DENND5A: variants seen among roughly 807,000 people sequenced by gnomAD.
DENND5A encodes DENN domain containing 5A, also known as DENN domain-containing protein 5A.
Under a neutral mutation model 140.3 loss-of-function variants are expected in DENND5A, and 64 were observed. The ratio of observed to expected loss-of-function variants is 0.46; its 90% CI spans 0.37 to 0.56. DENND5A has a LOEUF of 0.56. Among genes scored for constraint, DENND5A ranks in the 20% least tolerant of loss-of-function variants. The probability of loss-of-function intolerance (pLI) is 0.00; values close to 1 mark genes in which losing one functional copy is unlikely to be tolerated. For synonymous variants in DENND5A, 605 were observed against 607.7 expected (o/e 1.00, Z 0.07); for missense variants, 1,292 against 1,593.8 (o/e 0.81, Z 3.22).
intron 5 of DENND5A, among the ~76,000 whole-genome samples, chr11:9,183,030 C>A (rs1419239399): frequency 1.3e-5 from 2 of 152,210 alleles, no homozygotes; most frequent in Non-Finnish European, 2.9e-5. Context: ...ATACCATACC[C>A]TGTAAATATG....
intron 10 of DENND5A, 77 bp downstream of exon 10, chr11:9,169,779 G>A: frequency 1.0e-6 from 1 of 960,026 alleles, no homozygotes; most frequent in South Asian, 1.4e-5. Flanking sequence ...AATCAGACCA[G>A]AGAACAGGAA....
chr11:9,188,822 A>G (rs1236445095), intron 5 of DENND5A, among the ~76,000 whole-genome samples: 6 of 152,216 alleles, frequency 3.9e-5, no homozygotes, highest in Non-Finnish European at 8.8e-5. Flanking sequence ...TTTAAAAGGG[A>G]AACAGAGCAT....
At chr11:9,218,096 T>C (rs1158139285) in intron 1 of DENND5A, among the ~76,000 whole-genome samples, 1 of 151,852 alleles carries the variant, frequency 6.6e-6, no homozygotes. Context: ...CTGTACAAAA[T>C]AATAATTAAA....
In DENND5A at chr11:9,265,048, C is replaced by A; in HGVS notation, c.22G>T (p.Gly8Trp). Residue 8 changes from glycine (G) to tryptophan (W), a missense_variant, in exon 1 of 23, where the codon GGG becomes TGG. Physicochemically the swap from Gly to Trp is radical, Grantham distance 184. This residue lies in a region of DENND5A where 566 missense variants were observed against 650.4 expected (regional missense o/e 0.87). Transcript: ENST00000328194. The surrounding 1 kb of genome is among the most constrained non-coding windows in gnomAD (Gnocchi z 4.7). MSGGGGGGGSAPSRFADY... is the reference protein window; with the variant it reads MSGGGGGWGSAPSRFADY... ...GCGAAGCGACTGGGCGCCGAGCCCC[C>A]TCCGCCGCCGCCGCCACTCATGGCG... 6.4e-7 allele frequency: 1 copy of A among 1,553,270 alleles called. No individual in the cohort carries two copies. The highest frequency in any genetic ancestry group is 1.9e-5 in the Admixed American group (1 of 53,654).
chr11:9,228,674 G>A (rs1179658397), intron 1 of DENND5A, among the ~76,000 whole-genome samples: 4 of 150,234 alleles, frequency 2.7e-5, no homozygotes, highest in African/African-American at 9.8e-5. Flanking sequence ...AGCCGAGATC[G>A]CACCACTGCA....
At chr11:9,149,827 T>C (rs1847553089) in intron 15 of DENND5A, among the ~76,000 whole-genome samples, 1 of 152,198 alleles carries the variant, frequency 6.6e-6, no homozygotes, top group Non-Finnish European at 1.5e-5. Context: ...GAAGACCTCA[T>C]CCTTCCCACT....
intron 4 of DENND5A, among the ~76,000 whole-genome samples, chr11:9,201,569 C>T (rs567792862): frequency 1.5e-4 from 23 of 152,132 alleles, no homozygotes; most frequent in Admixed American, 5.2e-4. Flanking sequence ...ACACGGGAAG[C>T]TGAGGTGGGA....
At chr11:9,143,651 C>T (rs971882159) in intron 19 of DENND5A, among the ~76,000 whole-genome samples, 166 bp from the exon 20 acceptor site, 1 of 152,226 alleles carries the variant, frequency 6.6e-6, no homozygotes, top group African/African-American at 2.4e-5. Flanking sequence ...TTTAGCTCTT[C>T]CGCAAATCTT....
rs184293284 is a variant in DENND5A, at chr11:9,177,076, G to C, written c.1906+1056C>G. ...TCGAGGCCAGCCTGGGCAACATGGC[G>C]AGACTCTGTCTCTAAAAAATATAAA... is the stretch of plus-strand genomic sequence containing the variant. On this transcript the variant is annotated intron_variant, in intron 8 of 22. Transcript: ENST00000328194. Among the ~76,000 whole-genome samples, 594 of 151,770 alleles carry C rather than the reference G, an allele frequency of 3.9e-3. 1 individual carries two copies. The highest frequency in any genetic ancestry group is 6.8e-3 in the Middle Eastern group (2 of 292).
At chr11:9,196,603 T>C (rs1849337919) in intron 4 of DENND5A, among the ~76,000 whole-genome samples, 1 of 152,086 alleles carries the variant, frequency 6.6e-6, no homozygotes, top group South Asian at 2.1e-4. Flanking sequence ...TTTCAAATTT[T>C]ATTTTATTTA....
chr11:9,144,668 C>A (rs11604054), intron 18 of DENND5A, among the ~76,000 whole-genome samples: 11,849 of 151,886 alleles, frequency 0.078, 504 homozygotes, highest in South Asian at 0.11. Context: ...GCATGCCTAT[C>A]ATCCCAGCTA....
chr11:9,150,266 C>T (rs1426721639), intron 14 of DENND5A, 57 bp from the exon 15 acceptor site: 2 of 1,589,600 alleles, frequency 1.3e-6, no homozygotes, highest in Middle Eastern at 1.7e-4. Flanking sequence ...AACTCACTGC[C>T]AATAACTTAC....
rs1564878911 is a variant in DENND5A at position 9,144,194 on chromosome 11, C to T, written c.3207G>A (p.Gln1069=). 6.2e-7 allele frequency: 1 copy of T among 1,614,200 alleles called. No homozygotes were observed. The change falls in exon 19 of 23, where the codon CAG becomes CAA. Residue 1069 remains glutamine (Q), a synonymous_variant. Coordinates refer to ENST00000328194, the MANE Select transcript of DENND5A (RefSeq NM_015213.4). ...GGCATGGCCTCTCATCCACCTCAGG[C>T]TGGGATGTGAGCAGCTCCCCAACTA... ...RILVGELLTS[Q]PEVDERPCRT... is the part of the protein sequence containing the mutation.
intron 5 of DENND5A, among the ~76,000 whole-genome samples, chr11:9,192,366 C>T (rs564967434): frequency 5.9e-5 from 9 of 152,294 alleles, no homozygotes; most frequent in African/African-American, 1.2e-4. Context: ...CGGTGGCTCA[C>T]GCCTGTAATC....
intron 1 of DENND5A, among the ~76,000 whole-genome samples, chr11:9,216,648 TG>T (rs1850105070): frequency 2.0e-5 from 3 of 152,212 alleles, no homozygotes; most frequent in Admixed American, 2.0e-4. Flanking sequence ...CAGGGGACTG[TG>T]GCTCATGCCT....
intron 5 of DENND5A, among the ~76,000 whole-genome samples, chr11:9,181,680 A>G (rs897190915): frequency 2.6e-5 from 4 of 152,184 alleles, no homozygotes; most frequent in African/African-American, 9.7e-5. Context: ...CTGAGGCTGC[A>G]GTGAGCCATG....
intron 10 of DENND5A, among the ~76,000 whole-genome samples, 164 bp from the exon 11 acceptor site, chr11:9,166,131 T>C (rs565758190): frequency 1.3e-5 from 2 of 151,018 alleles, no homozygotes; most frequent in African/African-American, 4.9e-5. Context: ...CAGGCTGGAG[T>C]GCAGTGGTGT....
chr11:9,203,630 G>A (rs1849591816), intron 4 of DENND5A, 30 bp downstream of exon 4: 2 of 1,580,538 alleles, frequency 1.3e-6, no homozygotes, highest in Non-Finnish European at 1.7e-6. Context: ...GCCTGAGGCA[G>A]GCAGAAGGCT....
At chr11:9,220,508 T>C (rs1395525683) in intron 1 of DENND5A, among the ~76,000 whole-genome samples, 3 of 151,808 alleles carry the variant, frequency 2.0e-5, no homozygotes, top group South Asian at 2.1e-4. Flanking sequence ...GATCATGCCA[T>C]TGCACTCCAG....
Sources: gnomAD v4.1 joint callset for allele counts (sites outside exome capture counted in the v4.1 genomes callset) on GRCh38, gnomAD v4.1.1 for gene constraint, gnomAD v4.1.1 regional missense constraint, Gnocchi (gnomAD v3.1) non-coding constraint, MANE v1.5 for transcripts, NCBI Gene and HGNC (gene_info 2026-07-23, HGNC 2026-07-21) for gene names.